DLC1: variants seen among roughly 807,000 people sequenced by gnomAD.
The protein encoded by DLC1 is rho GTPase-activating protein 7.
Under a neutral mutation model 140.3 loss-of-function variants are expected in DLC1, and 54 were observed. The ratio of observed to expected loss-of-function variants is 0.38; its 90% confidence interval spans 0.31 to 0.48. The LOEUF (loss-of-function observed/expected upper bound fraction) is 0.48, where lower values mean the gene tolerates loss of function less well. Among genes scored for constraint, DLC1 ranks in the 20% least tolerant of loss-of-function variants. The pLI, the probability that DLC1 is intolerant of heterozygous loss-of-function variation, is 0.96. For synonymous variants in DLC1, 986 were observed against 728.1 expected (o/e 1.35, Z -5.70); for missense variants, 2,536 against 1,907.0 (o/e 1.33, Z -6.14).
intron 5 of DLC1, among the ~76,000 whole-genome samples, chr8:13,253,466 G>A (rs567250774): frequency 6.7e-6 from 1 of 150,024 alleles, no homozygotes; most frequent in African/African-American, 2.5e-5. Context: ...TATGTGTGGT[G>A]TTTAGATATG....
chr8:13,598,495 T>C (rs1361752069), intron 1 of DLC1, among the ~76,000 whole-genome samples: 1 of 152,134 alleles, frequency 6.6e-6, no homozygotes, highest in African/African-American at 2.4e-5. Context: ...TAAATGATTC[T>C]TTATGTCCCT....
At chr8:13,153,577 T>G (rs759182583) in intron 5 of DLC1, among the ~76,000 whole-genome samples, 2 of 152,192 alleles carry the variant, frequency 1.3e-5, no homozygotes, top group Non-Finnish European at 2.9e-5. Flanking sequence ...TGCTGATTGG[T>G]CCATTTTACA....
chr8:13,475,698 G>A (rs943484070), intron 2 of DLC1, among the ~76,000 whole-genome samples: 1 of 152,150 alleles, frequency 6.6e-6, no homozygotes, highest in Admixed American at 6.5e-5. Flanking sequence ...AAACCCTGAG[G>A]CTGGTACTCA....
At chr8:13,141,923 C>G (rs1232842705) in intron 5 of DLC1, among the ~76,000 whole-genome samples, 1 of 152,000 alleles carries the variant, frequency 6.6e-6, no homozygotes, top group Non-Finnish European at 1.5e-5. Flanking sequence ...ATTTTGTGTC[C>G]CCACCCAAAT....
chr8:13,151,752 A>C (rs58049946), intron 5 of DLC1, among the ~76,000 whole-genome samples: 51,472 of 152,032 alleles, frequency 0.34, 9,969 homozygotes, highest in East Asian at 0.54. Flanking sequence ...AATGAAAATG[A>C]TGTGAAGAAA....
At position 13,094,975 on chromosome 8, in the gene DLC1, C is replaced by T. The variant is rs779436692; in HGVS notation, c.3328-18G>A. ...AGCCCAACCTGTCGGAAGAGCAACA[C>T]TAAGTGTGGGGTACATTCACGTGGA... On this transcript the variant is annotated intron_variant, in intron 11 of 17. Coordinates refer to ENST00000276297, the MANE Select transcript of DLC1 (RefSeq NM_182643.3). 9.9e-6 allele frequency: 16 copies of T among 1,613,966 alleles called. No homozygotes were observed. In the Middle Eastern group the frequency reaches 6.6e-4, roughly 66 times the overall value.
At chr8:13,210,177 CTTTTA>C (rs753163849) in intron 5 of DLC1, among the ~76,000 whole-genome samples, 23 of 152,204 alleles carry the variant, frequency 1.5e-4, no homozygotes, top group Non-Finnish European at 2.4e-4. Context: ...TGATTTCTTG[CTTTTA>C]TTTTATTTTT....
rs938600712 is a variant in DLC1 at position 13,330,595 on chromosome 8, C to T, written c.1315-25293G>A. ...ACCAGTCACTAGCTACCTTCCTCTACGTCTTCTTTGCTAATCAAGGGCCTT... is the reference window on the plus strand; with the variant it reads ...ACCAGTCACTAGCTACCTTCCTCTATGTCTTCTTTGCTAATCAAGGGCCTT... On this transcript the variant is annotated intron_variant, in intron 4 of 17. Coordinates refer to ENST00000276297, the MANE Select transcript of DLC1 (RefSeq NM_182643.3). Among the ~76,000 whole-genome samples the T allele has an allele frequency of 5.3e-5, 8 of 152,262 alleles. No individual in the cohort carries two copies. The East Asian group carries it at 7.7e-4, about 15-fold the overall frequency.
rs1384715201 is a variant in DLC1, at chr8:13,573,908, C to T, written c.-126+30629G>A. Among the ~76,000 whole-genome samples the T allele has an allele frequency of 5.9e-5, 9 of 152,136 alleles. 1 individual carries two copies. Among genetic ancestry groups the T allele is most frequent in the Non-Finnish European group, 5.9e-5 (4 of 68,004 alleles). ...TTAATTAATATGCTTTTCTCTCTTACTTGTGAGCAACGCAAGTGTAGAGAC... is the reference window on the plus strand; with the variant it reads ...TTAATTAATATGCTTTTCTCTCTTATTTGTGAGCAACGCAAGTGTAGAGAC... On this transcript the variant is annotated intron_variant, in intron 1 of 1. Transcript: ENST00000631382.
At chr8:13,498,206 C>G (rs375373154) in intron 2 of DLC1, among the ~76,000 whole-genome samples, 1 of 152,104 alleles carries the variant, frequency 6.6e-6, no homozygotes, top group South Asian at 2.1e-4. Context: ...GAAGAAGAAA[C>G]TGTGCTTGGA....
At chr8:13,093,153 A>T (rs958907772) in intron 12 of DLC1, among the ~76,000 whole-genome samples, 2 of 152,152 alleles carry the variant, frequency 1.3e-5, no homozygotes, top group African/African-American at 4.8e-5. Flanking sequence ...AGCATGAAAA[A>T]AAAAAATCCC....
chr8:13,512,627 A>G (rs1802428402), intron 1 of DLC1, among the ~76,000 whole-genome samples: 1 of 152,154 alleles, frequency 6.6e-6, no homozygotes, highest in Non-Finnish European at 1.5e-5. Flanking sequence ...AGCTACAGCA[A>G]CAATGATTTA....
intron 1 of DLC1, among the ~76,000 whole-genome samples, chr8:13,542,731 G>A (rs1803527116): frequency 1.3e-5 from 2 of 152,044 alleles, no homozygotes; most frequent in South Asian, 2.1e-4. Flanking sequence ...ATCCATAAAC[G>A]TTTTATATTT....
intron 1 of DLC1, among the ~76,000 whole-genome samples, chr8:13,508,480 C>T (rs1360613857): frequency 1.3e-5 from 2 of 149,840 alleles, no homozygotes; most frequent in South Asian, 4.2e-4. Flanking sequence ...TGCAGTGGCG[C>T]GATCTGGGCT....
chr8:13,592,904 A>G (rs758141683), intron 1 of DLC1, among the ~76,000 whole-genome samples: 1 of 152,168 alleles, frequency 6.6e-6, no homozygotes, highest in Non-Finnish European at 1.5e-5. Flanking sequence ...AATTAATCCC[A>G]GAAATCTTAC....
At chr8:13,495,779 A>C (rs1464743923) in intron 2 of DLC1, among the ~76,000 whole-genome samples, 4 of 152,212 alleles carry the variant, frequency 2.6e-5, no homozygotes, top group Admixed American at 2.6e-4. Context: ...TATGGGCTTC[A>C]AGGAAGGATA....
At chr8:13,563,278 G>T (rs1275140244) in intron 1 of DLC1, among the ~76,000 whole-genome samples, 1 of 152,102 alleles carries the variant, frequency 6.6e-6, no homozygotes, top group African/African-American at 2.4e-5. Flanking sequence ...TTTGAACACA[G>T]AATAATTATT....
intron 4 of DLC1, among the ~76,000 whole-genome samples, chr8:13,324,373 C>G (rs1283214857): frequency 1.3e-5 from 1 of 79,504 alleles, no homozygotes; most frequent in Non-Finnish European, 2.8e-5. Flanking sequence ...TCGAGACCAT[C>G]CTGGTTAATA....
intron 5 of DLC1, among the ~76,000 whole-genome samples, chr8:13,263,066 G>C (rs1830529135): frequency 1.3e-5 from 2 of 152,170 alleles, no homozygotes; most frequent in South Asian, 2.1e-4. Context: ...GCAAATTAAT[G>C]CTTCCTCCAC....
Sources: allele counts gnomAD v4.1 joint callset (sites outside exome capture counted in the v4.1 genomes callset), GRCh38; gene constraint gnomAD v4.1.1; transcripts MANE v1.5; gene names NCBI Gene and HGNC (gene_info 2026-07-23, HGNC 2026-07-21).